Variants in GRIK4 observed in about 807,000 individuals in gnomAD.
GRIK4 encodes the protein glutamate receptor ionotropic, kainate 4.
GRIK4 carries 40 observed loss-of-function variants against 104.9 expected under a neutral mutation model. That is an observed-to-expected ratio of 0.38 (90% CI 0.30 to 0.50). The LOEUF (loss-of-function observed/expected upper bound fraction) is 0.50, where lower values mean the gene tolerates loss of function less well. Among genes scored for constraint, GRIK4 ranks in the 20% least tolerant of loss-of-function variants. The probability of loss-of-function intolerance (pLI) is 0.93; values close to 1 mark genes in which losing one functional copy is unlikely to be tolerated. For synonymous variants in GRIK4, 485 were observed against 524.9 expected (o/e 0.92, Z 1.04); for missense variants, 1,047 against 1,308.1 (o/e 0.80, Z 3.08).
At chr11:120,894,469 G>A (rs544796682) in intron 11 of GRIK4, 16 of 152,322 alleles carry the variant, frequency 1.1e-4, no homozygotes, top group African/African-American at 3.8e-4. Flanking sequence ...GCCCAGAGGG[G>A]TGCTTTTTTC....
chr11:120,726,463 A>C (rs750530657), intron 3 of GRIK4, among the ~76,000 whole-genome samples: 1 of 152,204 alleles, frequency 6.6e-6, no homozygotes, highest in Non-Finnish European at 1.5e-5. Flanking sequence ...GGTAAAAAGC[A>C]ATTGAATTAG....
At chr11:120,601,481 A>G (rs1353972807) in intron 1 of GRIK4, among the ~76,000 whole-genome samples, 6 of 152,104 alleles carry the variant, frequency 3.9e-5, no homozygotes, top group Admixed American at 2.6e-4. Flanking sequence ...TGATGATTCA[A>G]TTCACATAGC....
chr11:120,682,542 C>T (rs1043608686), intron 3 of GRIK4, among the ~76,000 whole-genome samples: 8 of 151,738 alleles, frequency 5.3e-5, no homozygotes, highest in African/African-American at 1.5e-4. Context: ...GATTTAGGGC[C>T]GTATCCATGC....
intron 1 of GRIK4, among the ~76,000 whole-genome samples, chr11:120,522,248 A>G (rs1263343512): frequency 6.6e-6 from 1 of 152,236 alleles, no homozygotes; most frequent in Admixed American, 6.5e-5. Context: ...TGCTCAGTCA[A>G]TGCAAGTGAC....
At chr11:120,753,353 TA>T (rs1216960951) in intron 3 of GRIK4, among the ~76,000 whole-genome samples, 71 of 136,052 alleles carry the variant, frequency 5.2e-4, no homozygotes, top group African/African-American at 2.0e-3. Flanking sequence ...GCAGGGTGGC[TA>T]GGGGAAGACA....
chr11:120,732,710 T>C (rs1015982722), intron 3 of GRIK4, among the ~76,000 whole-genome samples: 12 of 152,264 alleles, frequency 7.9e-5, no homozygotes, highest in African/African-American at 2.7e-4. Context: ...ATGTTTCATA[T>C]TATTTCAATT....
chr11:120,545,505 G>A (rs1352054538), intron 1 of GRIK4, among the ~76,000 whole-genome samples: 2 of 152,158 alleles, frequency 1.3e-5, no homozygotes. Context: ...AGCACTATTC[G>A]AGGTGTTTTG....
At chr11:120,863,323 A>G (rs1954310510) in intron 9 of GRIK4, among the ~76,000 whole-genome samples, 4 of 152,230 alleles carry the variant, frequency 2.6e-5, no homozygotes, top group African/African-American at 9.6e-5. Flanking sequence ...TACATTATTC[A>G]GTACAGTCAC....
At chr11:120,713,872 G>T (rs1171464855) in intron 3 of GRIK4, among the ~76,000 whole-genome samples, 1 of 152,178 alleles carries the variant, frequency 6.6e-6, no homozygotes, top group Non-Finnish European at 1.5e-5. Context: ...TACAGAGGGG[G>T]AAATTGAGTC....
chr11:120,658,735 T>TC, intron 2 of GRIK4, among the ~76,000 whole-genome samples: 1 of 73,542 alleles, frequency 1.4e-5, no homozygotes, highest in Non-Finnish European at 2.4e-5. Context: ...AACTTTTTTT[T>TC]TTTTTTTTTT....
In GRIK4 at chr11:120,956,944, G is replaced by A. The variant is rs146000427; in HGVS notation, c.1865G>A (p.Ser622Asn). Residue 622 changes from serine to asparagine, a missense_variant, in exon 16 of 21, where the codon AGT becomes AAT. Transcript: ENST00000527524. The surrounding 1 kb of genome is among the most constrained non-coding windows in gnomAD (Gnocchi z 4.6). ...APRALSTRCV[S>N]GVWWAFTLII... Reference sequence around the variant, plus strand: ...CGCGCCTTATCCACCCGCTGTGTCAGTGGCGTCTGGTAAGGCCCCAGGCAG... The same window carrying A: ...CGCGCCTTATCCACCCGCTGTGTCAATGGCGTCTGGTAAGGCCCCAGGCAG... The A allele has an allele frequency of 5.2e-4, 829 of 1,606,630 alleles. No homozygotes were observed. Among genetic ancestry groups the A allele is most frequent in the Non-Finnish European group, 6.4e-4 (753 of 1,176,286 alleles).
chr11:120,666,594 A>C (rs1949918612), intron 3 of GRIK4, among the ~76,000 whole-genome samples: 1 of 152,226 alleles, frequency 6.6e-6, no homozygotes, highest in African/African-American at 2.4e-5. Flanking sequence ...TCAGACATGA[A>C]GGGATGGGGC....
At chr11:120,912,393 A>G (rs1348677055) in intron 13 of GRIK4, among the ~76,000 whole-genome samples, 1 of 152,152 alleles carries the variant, frequency 6.6e-6, no homozygotes, top group Non-Finnish European at 1.5e-5. Context: ...TGAAGATATG[A>G]GTAGGGAAGG....
At chr11:120,542,320 C>G (rs1311274573) in intron 1 of GRIK4, among the ~76,000 whole-genome samples, 3 of 152,168 alleles carry the variant, frequency 2.0e-5, no homozygotes, top group Admixed American at 6.5e-5. Context: ...GGATTAATGA[C>G]TTAAACATAA....
At chr11:120,574,153 G>T (rs111969275) in intron 1 of GRIK4, among the ~76,000 whole-genome samples, 2 of 152,176 alleles carry the variant, frequency 1.3e-5, no homozygotes. Flanking sequence ...CTCCTCCCAC[G>T]TGCCAGGTGC....
intron 3 of GRIK4, among the ~76,000 whole-genome samples, chr11:120,788,553 G>A (rs1952334524): frequency 6.6e-6 from 1 of 152,116 alleles, no homozygotes; most frequent in Non-Finnish European, 1.5e-5. Flanking sequence ...AACATAGGGT[G>A]TCATATGAGT....
chr11:120,530,789 G>A (rs556966907), intron 1 of GRIK4, among the ~76,000 whole-genome samples: 3 of 152,268 alleles, frequency 2.0e-5, no homozygotes, highest in East Asian at 3.9e-4. Context: ...AGATGGCCCT[G>A]GGGTGTGGAG....
intron 1 of GRIK4, among the ~76,000 whole-genome samples, chr11:120,613,385 C>T (rs1056605861): frequency 2.0e-5 from 3 of 152,194 alleles, no homozygotes; most frequent in African/African-American, 7.2e-5. Flanking sequence ...GGAAGGGGGG[C>T]TGTCTGCTTA....
chr11:120,779,679 A>C (rs548523449), intron 3 of GRIK4, among the ~76,000 whole-genome samples: 1 of 152,322 alleles, frequency 6.6e-6, no homozygotes, highest in South Asian at 2.1e-4. Context: ...CCACCATATA[A>C]GGCAGAAAAT....
Sources: allele counts gnomAD v4.1 joint callset (sites outside exome capture counted in the v4.1 genomes callset), GRCh38; gene constraint gnomAD v4.1.1; non-coding constraint Gnocchi (gnomAD v3.1); transcripts MANE v1.5; gene names NCBI Gene and HGNC (gene_info 2026-07-23, HGNC 2026-07-21).